Variants in PCLO observed in about 807,000 individuals in gnomAD.
PCLO encodes the protein protein piccolo.
In PCLO, 82 loss-of-function variants were observed where a neutral mutation model predicts 427.5. The ratio of observed to expected loss-of-function variants is 0.19; its 90% confidence interval spans 0.16 to 0.23. The LOEUF (loss-of-function observed/expected upper bound fraction) is 0.23, where lower values mean the gene tolerates loss of function less well. Among genes scored for constraint, PCLO ranks in the 10% least tolerant of loss-of-function variants. PCLO has a pLI of 1.00. For missense variants in PCLO, 6,239 were observed against 6,115.9 expected (o/e 1.02, Z -0.67); for synonymous variants, 2,357 against 2,155.4 (o/e 1.09, Z -2.59).
At chr7:82,937,408 A>C (rs1794982418) in intron 6 of PCLO, among the ~76,000 whole-genome samples, 1 of 149,602 alleles carries the variant, frequency 6.7e-6, no homozygotes, top group African/African-American at 2.4e-5. Context: ...CTACTGTAGT[A>C]TTTTAAAATA....
chr7:82,858,854 A>T (rs1452064988), intron 10 of PCLO, among the ~76,000 whole-genome samples: 2 of 152,324 alleles, frequency 1.3e-5, no homozygotes, highest in East Asian at 3.9e-4. Flanking sequence ...CCTATGGATC[A>T]GAAGACTCAA....
At chr7:83,070,714 G>C (rs1250831277) in intron 3 of PCLO, among the ~76,000 whole-genome samples, 1 of 152,088 alleles carries the variant, frequency 6.6e-6, no homozygotes, top group Non-Finnish European at 1.5e-5. Context: ...ACAGTAATTT[G>C]TTACACAGAA....
intron 16 of PCLO, among the ~76,000 whole-genome samples, chr7:82,832,935 G>A (rs1174252700): frequency 2.0e-5 from 3 of 151,904 alleles, no homozygotes; most frequent in African/African-American, 7.3e-5. Flanking sequence ...TTAATAGTGC[G>A]ATGGTGTGCT....
At chr7:82,865,535 T>TTGTAC (rs1793071315) in intron 10 of PCLO, among the ~76,000 whole-genome samples, 2 of 151,990 alleles carry the variant, frequency 1.3e-5, no homozygotes, top group African/African-American at 2.4e-5. Context: ...AATATACATT[T>TTGTAC]ATATGGTATA....
At chr7:83,129,065 C>T (rs1180477336) in intron 3 of PCLO, among the ~76,000 whole-genome samples, 1 of 152,132 alleles carries the variant, frequency 6.6e-6, no homozygotes, top group East Asian at 1.9e-4. Flanking sequence ...GAACAAGTGG[C>T]ATTATTATCT....
intron 3 of PCLO, among the ~76,000 whole-genome samples, chr7:83,078,105 A>G (rs1427575661): frequency 1.3e-5 from 2 of 152,172 alleles, no homozygotes; most frequent in Non-Finnish European, 2.9e-5. Flanking sequence ...ACCTCCTAAT[A>G]ATGGCTATAA....
At chr7:82,811,333 CTTTG>C (rs2115570917) in intron 20 of PCLO, among the ~76,000 whole-genome samples, 1 of 151,538 alleles carries the variant, frequency 6.6e-6, no homozygotes, top group Admixed American at 6.6e-5. Context: ...TCCTCTCTTT[CTTTG>C]TTTCTTTCTC....
intron 3 of PCLO, among the ~76,000 whole-genome samples, chr7:83,023,968 T>C (rs1788411158): frequency 6.6e-6 from 1 of 152,206 alleles, no homozygotes; most frequent in Non-Finnish European, 1.5e-5. Flanking sequence ...CGTTGAGTAA[T>C]TCCCAAGAGC....
chr7:83,060,791 A>C (rs545247224), intron 3 of PCLO, among the ~76,000 whole-genome samples: 1 of 152,304 alleles, frequency 6.6e-6, no homozygotes, highest in African/African-American at 2.4e-5. Flanking sequence ...TGTTAGCCAC[A>C]GTTGCTGAAT....
At chr7:82,909,858 T>C (rs567221528) in intron 7 of PCLO, among the ~76,000 whole-genome samples, 1 of 152,202 alleles carries the variant, frequency 6.6e-6, no homozygotes, top group African/African-American at 2.4e-5. Flanking sequence ...GTTGCCTGCT[T>C]TTTATACTCA....
chr7:83,134,854 T>C lies in PCLO; in HGVS notation c.2696A>G (p.Gln899Arg), dbSNP rs377244844. 6.2e-7 allele frequency: 1 copy of C among 1,610,482 alleles called. No homozygotes were observed. Among genetic ancestry groups the C allele is most frequent in the Middle Eastern group, 1.7e-4 (1 of 6,026 alleles). ...VPTPQQSPKP[Q>R]EQSRRFSLNL... ...CAGACTGAAACGCCTTGACTGCTCC[T>C]GAGGCTTTGGGGACTGTTGAGGTGT... The change falls in exon 3 of 25, where the codon CAG (glutamine) becomes CGG (arginine). Residue 899 changes from glutamine (Q) to arginine (R), a missense_variant. This residue lies in a region of PCLO where 4,677 missense variants were observed against 4,468.4 expected (regional missense o/e 1.05). Coordinates refer to ENST00000333891, the MANE Select transcript of PCLO (RefSeq NM_033026.6).
intron 4 of PCLO, among the ~76,000 whole-genome samples, chr7:82,963,339 T>C (rs1405614312): frequency 2.6e-5 from 4 of 152,098 alleles, no homozygotes; most frequent in African/African-American, 9.6e-5. Context: ...AAAAGTATTT[T>C]AAAATCCCCA....
intron 3 of PCLO, among the ~76,000 whole-genome samples, chr7:82,986,383 TG>T (rs1426625057): frequency 6.6e-6 from 1 of 151,978 alleles, no homozygotes; most frequent in Non-Finnish European, 1.5e-5. Context: ...AGGATTTTTT[TG>T]TAAGTCCAAA....
intron 20 of PCLO, among the ~76,000 whole-genome samples, chr7:82,816,334 T>A (rs996208409): frequency 6.6e-6 from 1 of 152,020 alleles, no homozygotes; most frequent in African/African-American, 2.4e-5. Context: ...GGGCAGCATA[T>A]CCCTGGTTCC....
intron 4 of PCLO, among the ~76,000 whole-genome samples, chr7:82,962,339 T>A (rs1412947442): frequency 6.6e-6 from 1 of 152,086 alleles, no homozygotes; most frequent in Non-Finnish European, 1.5e-5. Flanking sequence ...GGGAAATGTT[T>A]TTTATTTTTG....
intron 4 of PCLO, among the ~76,000 whole-genome samples, chr7:82,958,232 C>G (rs916771772): frequency 2.6e-5 from 4 of 152,086 alleles, no homozygotes. Context: ...TCTGATCTAA[C>G]TATGGCCCAA....
chr7:82,993,433 TA>T (rs1213136456), intron 3 of PCLO, among the ~76,000 whole-genome samples: 1 of 151,988 alleles, frequency 6.6e-6, no homozygotes, highest in African/African-American at 2.4e-5. Flanking sequence ...GGCATTTTTT[TA>T]AAAAAAGCCC....
chr7:82,966,179 G>C lies in PCLO; in HGVS notation c.3609C>G (p.Asp1203Glu), dbSNP rs1443839197. The change falls in exon 4 of 25, where the codon GAC (aspartate) becomes GAG (glutamate). Residue 1203 changes from aspartate to glutamate, a missense_variant. By Grantham distance (45) the Asp-to-Glu change is conservative. Coordinates refer to ENST00000333891, the MANE Select transcript of PCLO (RefSeq NM_033026.6). ...QKQEESKLEK[D>E]KASALQEKKP... is the part of the protein sequence containing the mutation. Reference sequence around the variant, plus strand: ...TTTTTTCTTGAAGAGCTGAAGCTTTGTCTTTCTCTAGTTTACTCTCTTCTT... The same window carrying C: ...TTTTTTCTTGAAGAGCTGAAGCTTTCTCTTTCTCTAGTTTACTCTCTTCTT... The C allele has an allele frequency of 1.9e-6, 3 of 1,562,446 alleles. No homozygotes were observed. Among genetic ancestry groups the C allele is most frequent in the Non-Finnish European group, 2.6e-6 (3 of 1,150,892 alleles).
At position 82,951,392 on chromosome 7, in the gene PCLO, C is replaced by G. The variant is rs1254115548; in HGVS notation, c.9196G>C (p.Ala3066Pro). Residue 3066 changes from alanine to proline, a missense_variant, in exon 6 of 25, where the codon GCA (alanine) becomes CCA (proline). Ala to Pro is a conservative substitution (Grantham distance 27). Transcript: ENST00000333891. The stretch of plus-strand genomic sequence containing the variant: ...GGTCCTGGTGGTGGTGTCATTCTTG[C>G]TGTGGAATACTGTGGGGTACTAATC... ...AGISTPQYST[A>P]RMTPPPGPQY... The G allele has an allele frequency of 2.5e-6, 4 of 1,599,904 alleles. No homozygotes were observed. Among genetic ancestry groups the G allele is most frequent in the Non-Finnish European group, 3.4e-6 (4 of 1,172,546 alleles).
Sources: allele counts gnomAD v4.1 joint callset (sites outside exome capture counted in the v4.1 genomes callset), GRCh38; gene constraint gnomAD v4.1.1; regional missense constraint gnomAD v4.1.1; transcripts MANE v1.5; gene names NCBI Gene and HGNC (gene_info 2026-07-23, HGNC 2026-07-21).